SYT2: variants seen among roughly 807,000 people sequenced by gnomAD.
SYT2 encodes the protein synaptotagmin 2, also known as synaptotagmin-2.
SYT2 carries 15 observed loss-of-function variants against 39.9 expected under a neutral mutation model. The ratio of observed to expected loss-of-function variants is 0.38; its 90% confidence interval spans 0.25 to 0.58. SYT2 has a LOEUF of 0.58. SYT2 is among the 20% of genes least tolerant of loss of function. SYT2 has a pLI of 0.70. For missense variants in SYT2, 389 were observed against 530.3 expected, an observed-to-expected ratio of 0.73 and a Z score of 2.62; for synonymous variants, 181 against 204.5, an observed-to-expected ratio of 0.89 and a Z score of 0.98.
At chr1:202,691,183 T>C (rs1478503491) in intron 1 of SYT2, among the ~76,000 whole-genome samples, 1 of 152,212 alleles carries the variant, frequency 6.6e-6, no homozygotes, top group African/African-American at 2.4e-5. Context: ...TTTCCCCTTT[T>C]GTGTTCGGCA....
At chr1:202,683,806 T>C (rs974915541) in intron 1 of SYT2, among the ~76,000 whole-genome samples, 1 of 151,616 alleles carries the variant, frequency 6.6e-6, no homozygotes, top group Non-Finnish European at 1.5e-5. Context: ...ACCTTTTCTA[T>C]AGTGCTAGAA....
At chr1:202,625,305 CTGTG>C (rs1346946372) in intron 1 of SYT2, among the ~76,000 whole-genome samples, 1 of 12,004 alleles carries the variant, frequency 8.3e-5, no homozygotes, top group East Asian at 4.1e-3. Context: ...TGTGCTGTGT[CTGTG>C]TGGTGTGTGT....
At chr1:202,642,239 T>A (rs2149097701) in intron 1 of SYT2, among the ~76,000 whole-genome samples, 1 of 152,244 alleles carries the variant, frequency 6.6e-6, no homozygotes, top group Admixed American at 6.5e-5. Context: ...CAGCTCCACT[T>A]TGACACCCCC....
At chr1:202,685,949 A>C (rs1572679090) in intron 1 of SYT2, among the ~76,000 whole-genome samples, 2 of 151,626 alleles carry the variant, frequency 1.3e-5, no homozygotes, top group East Asian at 3.9e-4. Context: ...CACCCTCTAC[A>C]CTCCTGGGGA....
intron 1 of SYT2, among the ~76,000 whole-genome samples, chr1:202,651,317 G>A (rs930826024): frequency 1.3e-5 from 2 of 152,056 alleles, no homozygotes; most frequent in South Asian, 2.1e-4. Context: ...CATGTGAAAC[G>A]GGAAGGATAG....
At chr1:202,606,688 C>G (rs1690719451) in intron 1 of SYT2, among the ~76,000 whole-genome samples, 1 of 152,138 alleles carries the variant, frequency 6.6e-6, no homozygotes, top group Non-Finnish European at 1.5e-5. Context: ...GCCCTGCCCC[C>G]ACATGCAGCT....
At chr1:202,670,909 G>A (rs1003693928) in intron 1 of SYT2, among the ~76,000 whole-genome samples, 2 of 152,232 alleles carry the variant, frequency 1.3e-5, no homozygotes, top group Non-Finnish European at 1.5e-5. Flanking sequence ...AACGACCTGT[G>A]GATGGGGCTG....
At chr1:202,629,878 G>GT (rs1553338298) in intron 1 of SYT2, among the ~76,000 whole-genome samples, 3 of 119,396 alleles carry the variant, frequency 2.5e-5, no homozygotes, top group East Asian at 2.4e-4. Flanking sequence ...GGGGGGGGGG[G>GT]GGTGGTACGG....
rs1388367833 is a variant in SYT2, at chr1:202,609,806, A to G, written c.-17-4017T>C. On this transcript the variant is annotated intron_variant, in intron 1 of 8. Coordinates refer to ENST00000367268, the MANE Select transcript of SYT2 (RefSeq NM_177402.5). ...TATTAGCCCTTTGTCAGATGAGTAG[A>G]TTGCAAAAATTTTCTCCCATTCTGT... 3.0e-4 allele frequency among the ~76,000 whole-genome samples: 46 copies of G among 152,154 alleles called. No homozygotes were observed. The East Asian group carries it at 5.8e-3, about 19-fold the overall frequency.
intron 1 of SYT2, among the ~76,000 whole-genome samples, chr1:202,618,049 C>T (rs1691094670): frequency 6.6e-6 from 1 of 152,054 alleles, no homozygotes; most frequent in African/African-American, 2.4e-5. Flanking sequence ...ATTACAGGTG[C>T]CCACCACACG....
intron 1 of SYT2, among the ~76,000 whole-genome samples, chr1:202,612,343 A>C (rs1461604326): frequency 1.3e-5 from 2 of 151,948 alleles, no homozygotes; most frequent in Admixed American, 1.3e-4. Context: ...CTTTGTAGTA[A>C]GTTTTGAAAT....
At position 202,628,069 on chromosome 1, in the gene SYT2, A is replaced by G. The variant is rs1691468849; in HGVS notation, c.-17-22280T>C. On this transcript the variant is annotated intron_variant, in intron 1 of 8. Transcript: ENST00000367268. This position sits in a 1 kb window ranked among gnomAD's most constrained non-coding sequence, Gnocchi z 4.2. ...AGGTGGGTCTAACGGGAAGATCACA[A>G]AGGCACCGGGCTCAGAGGTGGGTGC... is the stretch of plus-strand genomic sequence containing the variant. Among the ~76,000 whole-genome samples, 1 of 152,098 alleles carries G rather than the reference A, an allele frequency of 6.6e-6. No individual in the cohort carries two copies. The highest frequency in any genetic ancestry group is 1.9e-4 in the East Asian group (1 of 5,174).
chr1:202,667,820 C>T (rs191105306), intron 1 of SYT2, among the ~76,000 whole-genome samples: 2 of 152,060 alleles, frequency 1.3e-5, no homozygotes, highest in Non-Finnish European at 2.9e-5. Context: ...TCAAGCGATT[C>T]TCCTGCCTCA....
rs146140261 is a variant in SYT2 at position 202,620,192 on chromosome 1, T to G, written c.-17-14403A>C. Among the ~76,000 whole-genome samples, 1,492 of 151,908 alleles carry G rather than the reference T, an allele frequency of 9.8e-3. 20 individuals are homozygous for G. Among genetic ancestry groups the G allele is most frequent in the African/African-American group, 0.034 (1,402 of 41,164 alleles). Reference sequence around the variant, plus strand: ...CCTGGTCCACTGGCCGCTGTCCTTCTGTCTGCCCAGGATGGCCACTTGGCC... The same window carrying G: ...CCTGGTCCACTGGCCGCTGTCCTTCGGTCTGCCCAGGATGGCCACTTGGCC... On this transcript the variant is annotated intron_variant, in intron 1 of 8. Transcript: ENST00000367268.
intron 1 of SYT2, among the ~76,000 whole-genome samples, chr1:202,655,490 A>G (rs1692262778): frequency 1.3e-5 from 2 of 152,166 alleles, no homozygotes; most frequent in South Asian, 4.1e-4. Flanking sequence ...GGACACTACC[A>G]TTAATTCAGG....
At position 202,591,781 on chromosome 1, in the gene SYT2, C is replaced by T. The variant is rs981894328; in HGVS notation, c.*4976G>A. 2 of 152,770 alleles carry T rather than the reference C, an allele frequency of 1.3e-5. No individual in the cohort carries two copies. The allele number at this position is 152,770 out of a possible 1,614,324, so 9.5% of individuals were successfully genotyped here. On this transcript the variant is annotated 3_prime_UTR_variant, in exon 9 of 9. Transcript: ENST00000367268. Reference sequence around the variant, plus strand: ...GCAGGGATGGTTCTGTCATCCCTGGCTGAGCTGCTGACTGGCTGCTCCTGA... The same window carrying T: ...GCAGGGATGGTTCTGTCATCCCTGGTTGAGCTGCTGACTGGCTGCTCCTGA...
chr1:202,698,113 C>CCCA (rs67395374), intron 1 of SYT2, among the ~76,000 whole-genome samples: 150 of 76,982 alleles, frequency 1.9e-3, no homozygotes, highest in African/African-American at 5.7e-3. Context: ...GGTCTCACCA[C>CCCA]CCCCCCAAGG....
chr1:202,624,670 TGTG>T (rs1558435702), intron 1 of SYT2, among the ~76,000 whole-genome samples: 1 of 94,426 alleles, frequency 1.1e-5, no homozygotes, highest in Non-Finnish European at 2.2e-5. Context: ...GTAGTGTGTG[TGTG>T]GTGTTTAGTA....
chr1:202,686,511 G>C (rs985854424), intron 1 of SYT2, among the ~76,000 whole-genome samples: 1 of 152,104 alleles, frequency 6.6e-6, no homozygotes, highest in Non-Finnish European at 1.5e-5. Flanking sequence ...TAATGCCTAT[G>C]TCCCACTGGC....
Sources: gnomAD v4.1 joint callset for allele counts (sites outside exome capture counted in the v4.1 genomes callset) on GRCh38, gnomAD v4.1.1 for gene constraint, Gnocchi (gnomAD v3.1) non-coding constraint, MANE v1.5 for transcripts, NCBI Gene and HGNC (gene_info 2026-07-23, HGNC 2026-07-21) for gene names.